Variants in KCNK1 observed in about 807,000 individuals in gnomAD.
KCNK1 encodes potassium two pore domain channel subfamily K member 1.
A neutral mutation model predicts 22.2 loss-of-function variants in KCNK1; 10 were observed. That is an observed-to-expected ratio of 0.45 (90% confidence interval 0.28 to 0.76). KCNK1 has a LOEUF of 0.76. Among genes scored for constraint, KCNK1 ranks in the 30% least tolerant of loss-of-function variants. KCNK1 has a pLI of 0.14. For missense variants in KCNK1, 378 were observed against 421.0 expected (o/e 0.90, Z 0.89); for synonymous variants, 200 against 186.4 (o/e 1.07, Z -0.60).
At chr1:233,629,224 A>G (rs1268622583) in intron 1 of KCNK1, among the ~76,000 whole-genome samples, 2 of 152,162 alleles carry the variant, frequency 1.3e-5, no homozygotes, top group Non-Finnish European at 2.9e-5. Flanking sequence ...GTTGAATTGT[A>G]TGGGACCCCA....
chr1:233,631,175 T>C, intron 1 of KCNK1: 2 of 462,200 alleles, frequency 4.3e-6, no homozygotes, highest in Non-Finnish European at 9.0e-6. Flanking sequence ...CAGTCTATTT[T>C]ATTTATACCT....
intron 1 of KCNK1, among the ~76,000 whole-genome samples, chr1:233,640,797 C>G (rs1383539470): frequency 2.0e-5 from 3 of 152,130 alleles, no homozygotes; most frequent in African/African-American, 7.2e-5. Flanking sequence ...CTCCACCTCC[C>G]AGGTTCAAGT....
At chr1:233,651,926 A>C (rs1336957496) in intron 1 of KCNK1, among the ~76,000 whole-genome samples, 1 of 152,198 alleles carries the variant, frequency 6.6e-6, no homozygotes, top group Admixed American at 6.5e-5. Context: ...TCTTATTCCT[A>C]TTCTCATGGA....
chr1:233,667,028 CTTTAT>C (rs1658503404), intron 2 of KCNK1, 38 bp downstream of exon 2: 3 of 1,382,404 alleles, frequency 2.2e-6, no homozygotes, highest in African/African-American at 1.5e-5. Flanking sequence ...CTTCTGTCTC[CTTTAT>C]TTTATTTATT....
Position 233,614,267 on chromosome 1 carries a change from C to G in KCNK1, c.96C>G (p.Leu32=), listed in dbSNP as rs138396705. 8.1e-6 allele frequency: 13 copies of G among 1,613,402 alleles called. No homozygotes were observed. Among genetic ancestry groups the G allele is most frequent in the Non-Finnish European group, 1.1e-5 (13 of 1,179,922 alleles). The change falls in exon 1 of 3, where the codon CTC becomes CTG. Residue 32 remains leucine, a synonymous_variant. Transcript: ENST00000366621. Reference sequence around the variant, plus strand: ...GCTTCCTGGTGCTGGGCTACTTGCTCTACCTGGTCTTCGGCGCAGTGGTCT... The same window carrying G: ...GCTTCCTGGTGCTGGGCTACTTGCTGTACCTGGTCTTCGGCGCAGTGGTCT... ...CFGFLVLGYL[L]YLVFGAVVFS... is the part of the protein sequence containing the mutation.
intron 1 of KCNK1, among the ~76,000 whole-genome samples, chr1:233,655,222 C>A (rs1364754161): frequency 6.6e-6 from 1 of 152,138 alleles, no homozygotes; most frequent in East Asian, 1.9e-4. Flanking sequence ...TCTTTCTATT[C>A]TTTTCTTTCT....
At chr1:233,627,448 C>G (rs773468788) in intron 1 of KCNK1, among the ~76,000 whole-genome samples, 2 of 152,158 alleles carry the variant, frequency 1.3e-5, no homozygotes, top group African/African-American at 4.8e-5. Flanking sequence ...AGAGGCTGTT[C>G]CGCAGCTGCC....
intron 1 of KCNK1, among the ~76,000 whole-genome samples, chr1:233,620,836 T>C (rs866812089): frequency 1.3e-5 from 2 of 152,194 alleles, no homozygotes; most frequent in Middle Eastern, 6.3e-3. Flanking sequence ...AGTTAAAAAA[T>C]TCCAAACTAA....
chr1:233,634,318 C>A (rs1185493509), intron 1 of KCNK1, among the ~76,000 whole-genome samples: 37 of 140,472 alleles, frequency 2.6e-4, no homozygotes, highest in African/African-American at 7.4e-4. Context: ...ACAACAACAA[C>A]AAAAAAAAAA....
At chr1:233,665,481 T>C (rs1658472383) in intron 1 of KCNK1, among the ~76,000 whole-genome samples, 1 of 152,250 alleles carries the variant, frequency 6.6e-6, no homozygotes, top group Non-Finnish European at 1.5e-5. Context: ...CCATACATAA[T>C]AGTATACTTA....
chr1:233,636,765 A>G (rs61824276), intron 1 of KCNK1, among the ~76,000 whole-genome samples: 1 of 151,862 alleles, frequency 6.6e-6, no homozygotes. Flanking sequence ...TCCCTCTAGG[A>G]CAAGGGATCA....
intron 1 of KCNK1, among the ~76,000 whole-genome samples, chr1:233,640,822 G>A (rs979624491): frequency 6.6e-6 from 1 of 151,842 alleles, no homozygotes; most frequent in Non-Finnish European, 1.5e-5. Flanking sequence ...CTCAGGCCTC[G>A]GCCTCCCATG....
intron 1 of KCNK1, among the ~76,000 whole-genome samples, chr1:233,622,777 C>T (rs1657613599): frequency 1.3e-5 from 2 of 152,172 alleles, no homozygotes; most frequent in Admixed American, 1.3e-4. Flanking sequence ...TGTTTGCCTT[C>T]TTTAATTTGG....
At chr1:233,647,211 A>T (rs764981233) in intron 1 of KCNK1, among the ~76,000 whole-genome samples, 1 of 152,174 alleles carries the variant, frequency 6.6e-6, no homozygotes, top group Non-Finnish European at 1.5e-5. Context: ...TTTGTTCCAG[A>T]TGAAATCCTC....
At chr1:233,627,730 C>T (rs908821546) in intron 1 of KCNK1, among the ~76,000 whole-genome samples, 2 of 152,180 alleles carry the variant, frequency 1.3e-5, no homozygotes, top group Non-Finnish European at 2.9e-5. Context: ...CTCACCCTCC[C>T]CTCCACTGCA....
intron 1 of KCNK1, chr1:233,637,397 A>G (rs1320222477): frequency 6.6e-6 from 1 of 152,130 alleles, no homozygotes; most frequent in Non-Finnish European, 1.5e-5. Context: ...AGAAGAGCTC[A>G]TGTCAGTTGG....
At chr1:233,669,994 A>G (rs760305849) in intron 2 of KCNK1, among the ~76,000 whole-genome samples, 5 of 152,186 alleles carry the variant, frequency 3.3e-5, no homozygotes, top group Non-Finnish European at 7.3e-5. Flanking sequence ...TATGCTGCCA[A>G]TTTTAGCTTC....
intron 1 of KCNK1, among the ~76,000 whole-genome samples, chr1:233,642,505 G>A (rs760806281): frequency 6.6e-6 from 1 of 152,232 alleles, no homozygotes; most frequent in Non-Finnish European, 1.5e-5. Flanking sequence ...AATCATGCAA[G>A]TGTGAAAGGG....
intron 1 of KCNK1, among the ~76,000 whole-genome samples, chr1:233,656,515 TC>T: frequency 6.6e-6 from 1 of 152,248 alleles, no homozygotes. Context: ...GAGTGCTTTT[TC>T]CCCTTGGCTT....
Sources: gnomAD v4.1 joint callset for allele counts (sites outside exome capture counted in the v4.1 genomes callset) on GRCh38, gnomAD v4.1.1 for gene constraint, MANE v1.5 for transcripts, NCBI Gene and HGNC (gene_info 2026-07-23, HGNC 2026-07-21) for gene names.